The following MTCL1 variants were observed in gnomAD, a reference collection of about 807,000 sequenced individuals.
MTCL1 encodes microtubule cross-linking factor 1.
MTCL1 carries 79 observed loss-of-function variants against 141.4 expected under a neutral mutation model. The ratio of observed to expected loss-of-function variants is 0.56; its 90% confidence interval spans 0.47 to 0.67. The LOEUF is 0.67. MTCL1 is among the 30% of genes least tolerant of loss of function. MTCL1 has a pLI of 0.00. For synonymous variants in MTCL1, 914 were observed against 875.8 expected (o/e 1.04, Z -0.77); for missense variants, 2,177 against 2,113.9 (o/e 1.03, Z -0.59).
intron 2 of MTCL1, 86 bp from the exon 2 acceptor site, chr18:8,718,338 G>A (rs1401607826): frequency 7.9e-7 from 1 of 1,268,686 alleles, no homozygotes; most frequent in Non-Finnish European, 1.1e-6. Context: ...TCAATATTTA[G>A]TATTGAGGAG....
intron 4 of MTCL1, among the ~76,000 whole-genome samples, chr18:8,737,193 C>A (rs1349677485): frequency 2.0e-5 from 3 of 152,216 alleles, no homozygotes; most frequent in African/African-American, 7.2e-5. Context: ...GCTGGCATCA[C>A]TCTTCACTTT....
At chr18:8,817,567 A>G (rs1045658841) in intron 12 of MTCL1, among the ~76,000 whole-genome samples, 1 of 152,162 alleles carries the variant, frequency 6.6e-6, no homozygotes, top group Non-Finnish European at 1.5e-5. Flanking sequence ...CTGACTATAC[A>G]GAAACCATAT....
intron 12 of MTCL1, among the ~76,000 whole-genome samples, chr18:8,817,621 A>G (rs1439410175): frequency 6.6e-6 from 1 of 152,174 alleles, no homozygotes; most frequent in Non-Finnish European, 1.5e-5. Flanking sequence ...GGACACAGAG[A>G]TGCAGTTTGT....
Position 8,830,417 on chromosome 18 carries a change from C to T in MTCL1, c.*19-1190C>T, listed in dbSNP as rs1179925430. ...CAGGGAAACCGCTCGCCCCATTGCT[C>T]TTCTGGAAGCCTGTGGCTCCCACGC... On this transcript the variant is annotated intron_variant, in intron 16 of 16. Transcript: ENST00000359865. The surrounding 1 kb of genome is among the most constrained non-coding windows in gnomAD (Gnocchi z 6.4). The T allele has an allele frequency of 4.1e-6, 4 of 985,488 alleles. No homozygotes were observed. The African/African-American group carries it at 7.0e-5, about 17-fold the overall frequency. 61.0% of individuals were successfully genotyped at this position (985,488 alleles called of 1,614,324 possible). A position where few individuals can be genotyped will look rare whatever the true frequency, so the allele number is the denominator to read the frequency against.
intron 4 of MTCL1, among the ~76,000 whole-genome samples, chr18:8,751,713 A>C (rs1243216566): frequency 6.6e-6 from 1 of 152,124 alleles, no homozygotes; most frequent in Non-Finnish European, 1.5e-5. Flanking sequence ...AGTTGAAGTG[A>C]GGTTGGCTGC....
At chr18:8,786,440 C>A (rs937248253) in intron 7 of MTCL1, 3 of 486,210 alleles carry the variant, frequency 6.2e-6, no homozygotes. Flanking sequence ...AAACCCAGCA[C>A]GGGCTTCCCT....
intron 1 of MTCL1, 129 bp downstream of exon 1, chr18:8,706,842 C>T: frequency 7.1e-7 from 1 of 1,399,418 alleles, no homozygotes; most frequent in Non-Finnish European, 9.3e-7. Context: ...CGGTCCTACC[C>T]CCGCATTGTC....
At chr18:8,816,566 T>C (rs1029682840) in intron 12 of MTCL1, among the ~76,000 whole-genome samples, 2 of 152,208 alleles carry the variant, frequency 1.3e-5, no homozygotes, top group African/African-American at 4.8e-5. Flanking sequence ...TTAGAATTGT[T>C]GAGTTCCCAG....
chr18:8,825,790 C>T, exon 15 of MTCL1: 1 of 1,614,160 alleles, frequency 6.2e-7, no homozygotes, highest in Non-Finnish European at 8.5e-7. Context: ...TGGGCCCGCT[C>T]CACCACCACA....
At chr18:8,718,324 G>A in intron 2 of MTCL1, 100 bp from the exon 2 acceptor site, 1 of 1,161,222 alleles carries the variant, frequency 8.6e-7, no homozygotes, top group Non-Finnish European at 1.3e-6. Context: ...AAGCGTGTAG[G>A]TATTCAATAT....
At chr18:8,714,598 C>A (rs1036847518), upstream of MTCL1, among the ~76,000 whole-genome samples, 2 of 152,132 alleles carry the variant, frequency 1.3e-5, no homozygotes, top group African/African-American at 4.8e-5. Context: ...TGCAGGGAAA[C>A]TGCCGTTTAT....
intron 4 of MTCL1, among the ~76,000 whole-genome samples, chr18:8,741,085 T>A (rs1027668622): frequency 1.3e-5 from 2 of 152,216 alleles, no homozygotes; most frequent in East Asian, 3.8e-4. Context: ...TGGCCAGGAT[T>A]TTCTTGAGTC....
intron 4 of MTCL1, among the ~76,000 whole-genome samples, chr18:8,740,509 G>GTC (rs1239122513): frequency 2.6e-5 from 4 of 152,140 alleles, no homozygotes; most frequent in Non-Finnish European, 5.9e-5. Context: ...TTGAGGCAGA[G>GTC]TCTCGCTCTG....
intron 7 of MTCL1, chr18:8,786,427 T>A: frequency 3.9e-6 from 2 of 515,062 alleles, no homozygotes; most frequent in East Asian, 4.7e-5. Flanking sequence ...AAAGAAGGGA[T>A]GAAAACCCAG....
chr18:8,746,519 A>G (rs1424030895), intron 4 of MTCL1, among the ~76,000 whole-genome samples: 1 of 152,202 alleles, frequency 6.6e-6, no homozygotes, highest in African/African-American at 2.4e-5. Flanking sequence ...GGGGAATCCC[A>G]TGGATTTGAA....
chr18:8,764,243 A>G (rs1441089835), intron 4 of MTCL1, among the ~76,000 whole-genome samples: 3 of 152,116 alleles, frequency 2.0e-5, no homozygotes, highest in Non-Finnish European at 4.4e-5. Context: ...ATTGCTTTTT[A>G]TGGTTATCAC....
Position 8,785,880 on chromosome 18 carries a change from T to G in MTCL1, c.1732-56T>G, listed in dbSNP as rs142162347. 276 of 1,521,936 alleles carry G rather than the reference T, an allele frequency of 1.8e-4. 4 individuals carry two copies. In the East Asian group the frequency reaches 6.1e-3, roughly 34 times the overall value. The allele number at this position is 1,521,936 out of a possible 1,614,324, so 94.3% of individuals were successfully genotyped here. ...ACCCTTGTCCTTTGTTTGTTTGTTTTTTTGTTTAAAATTTTAAAGAACAAC... is the reference window on the plus strand; with the variant it reads ...ACCCTTGTCCTTTGTTTGTTTGTTTGTTTGTTTAAAATTTTAAAGAACAAC... On this transcript the variant is annotated intron_variant, in intron 6 of 16. Transcript: ENST00000359865.
chr18:8,719,597 C>G (rs1055336890), intron 3 of MTCL1, among the ~76,000 whole-genome samples: 1 of 152,164 alleles, frequency 6.6e-6, no homozygotes, highest in Non-Finnish European at 1.5e-5. Flanking sequence ...GAATCTTGCT[C>G]TGTCACCCAG....
chr18:8,718,390 T>G, intron 2 of MTCL1, 34 bp from the exon 2 acceptor site: 1 of 1,598,224 alleles, frequency 6.3e-7, no homozygotes. Flanking sequence ...TTGATGTACT[T>G]GGCTCATAAA....
Sources: allele counts gnomAD v4.1 joint callset (sites outside exome capture counted in the v4.1 genomes callset), GRCh38; gene constraint gnomAD v4.1.1; non-coding constraint Gnocchi (gnomAD v3.1); transcripts MANE v1.5; gene names NCBI Gene and HGNC (gene_info 2026-07-23, HGNC 2026-07-21).